PCDHGA12: variants seen among roughly 807,000 people sequenced by gnomAD.
The protein encoded by PCDHGA12 is protocadherin gamma-A12.
PCDHGA12 carries 43 observed loss-of-function variants against 61.1 expected under a neutral mutation model. The observed-to-expected ratio is 0.70, with a 90% CI of 0.55 to 0.91. PCDHGA12 has a LOEUF of 0.91. Ranked by LOEUF, PCDHGA12 falls within the 40% of genes least tolerant of loss-of-function variation. The pLI, the probability that PCDHGA12 is intolerant of heterozygous loss-of-function variation, is 0.00. For missense variants in PCDHGA12, 1,236 were observed against 1,227.7 expected (o/e 1.01, Z -0.10); for synonymous variants, 520 against 542.9 (o/e 0.96, Z 0.59).
At position 141,491,518 on chromosome 5, in the gene PCDHGA12, A is replaced by G. The variant is rs756813813; in HGVS notation, c.2425-3289A>G. 3 of 1,613,990 alleles carry G rather than the reference A, an allele frequency of 1.9e-6. No individual in the cohort carries two copies. The highest frequency in any genetic ancestry group is 3.3e-5 in the Admixed American group (2 of 60,028). ...GAGCTCGGACGGCACGCTCAAGTAC[A>G]TGGAGGTGACGCTGCGGCCCACAGA... On this transcript the variant is annotated intron_variant, in intron 1 of 3. Transcript: ENST00000252085. This position sits in a 1 kb window ranked among gnomAD's most constrained non-coding sequence, Gnocchi z 6.9.
chr5:141,473,362 C>A (rs2099320242), intron 1 of PCDHGA12, among the ~76,000 whole-genome samples: 1 of 152,166 alleles, frequency 6.6e-6, no homozygotes, highest in Admixed American at 6.5e-5. Context: ...AAGTGGCCAC[C>A]AAAATAGCAT....
chr5:141,496,981 T>A (rs928774783), intron 2 of PCDHGA12, among the ~76,000 whole-genome samples: 1 of 150,304 alleles, frequency 6.7e-6, no homozygotes, highest in African/African-American at 2.5e-5. Context: ...AGGTCAGGGG[T>A]TTGAGACCAG....
Position 141,477,691 on chromosome 5 carries a change from A to G in PCDHGA12, c.2425-17116A>G, listed in dbSNP as rs1315811441. 6.2e-7 allele frequency: 1 copy of G among 1,614,188 alleles called. No homozygotes were observed. Among genetic ancestry groups the G allele is most frequent in the South Asian group, 1.1e-5 (1 of 91,090 alleles). On this transcript the variant is annotated intron_variant, in intron 1 of 3. Coordinates refer to ENST00000252085, the MANE Select transcript of PCDHGA12 (RefSeq NM_003735.3). This position sits in a 1 kb window ranked among gnomAD's most constrained non-coding sequence, Gnocchi z 4.9. ...GCATAGTGTCATCCTTAGTGCCCCT[A>G]GACTATGAGGATCGGCGGGAATTTG...
chr5:141,473,367 T>C (rs1343477225), intron 1 of PCDHGA12, among the ~76,000 whole-genome samples: 1 of 152,178 alleles, frequency 6.6e-6, no homozygotes, highest in Non-Finnish European at 1.5e-5. Flanking sequence ...GCCACCAAAA[T>C]AGCATGGTCC....
chr5:141,489,166 C>A lies in PCDHGA12; in HGVS notation c.2425-5641C>A. The A allele has an allele frequency of 9.1e-7, 1 of 1,099,536 alleles. No individual in the cohort carries two copies. The highest frequency in any genetic ancestry group is 1.3e-6 in the Non-Finnish European group (1 of 761,554). The allele number at this position is 1,099,536 out of a possible 1,614,324, so 68.1% of individuals were successfully genotyped here. ...AAGGAGACATAAGAGACTTCAGCTGCTGCATTCCAAGCCCTGGGTCTACCT... is the reference window on the plus strand; with the variant it reads ...AAGGAGACATAAGAGACTTCAGCTGATGCATTCCAAGCCCTGGGTCTACCT... On this transcript the variant is annotated intron_variant, in intron 1 of 3. Transcript: ENST00000252085. This position sits in a 1 kb window ranked among gnomAD's most constrained non-coding sequence, Gnocchi z 4.5.
chr5:141,490,908 C>T lies in PCDHGA12; in HGVS notation c.2425-3899C>T, dbSNP rs201078924. On this transcript the variant is annotated intron_variant, in intron 1 of 3. Coordinates refer to ENST00000252085, the MANE Select transcript of PCDHGA12 (RefSeq NM_003735.3). This position sits in a 1 kb window ranked among gnomAD's most constrained non-coding sequence, Gnocchi z 5.4. The stretch of plus-strand genomic sequence containing the variant: ...CATCTCTGCATGTGTTTGTCCTAGA[C>T]GAGAATGATAATGCCCCAGCTGTGC... 42 of 1,613,710 alleles carry T rather than the reference C, an allele frequency of 2.6e-5. No homozygotes were observed. The highest frequency in any genetic ancestry group is 8.3e-5 in the Admixed American group (5 of 60,018).
intron 1 of PCDHGA12, chr5:141,478,167 G>A: frequency 6.2e-7 from 1 of 1,613,772 alleles, no homozygotes; most frequent in Non-Finnish European, 8.5e-7. Context: ...TCTGCCCCCC[G>A]GGAGCAGAAA....
intron 2 of PCDHGA12, 22 bp from the exon 3 acceptor site, chr5:141,505,371 C>G: frequency 1.2e-6 from 2 of 1,613,980 alleles, no homozygotes; most frequent in Non-Finnish European, 1.7e-6. Context: ...AGTCTGTGCT[C>G]ACCATCCTAC....
intron 1 of PCDHGA12, among the ~76,000 whole-genome samples, chr5:141,472,742 T>C (rs926507203): frequency 2.0e-5 from 3 of 151,762 alleles, no homozygotes; most frequent in Non-Finnish European, 4.4e-5. Flanking sequence ...TCCCAGCACT[T>C]TGGGAGGCGG....
At chr5:141,463,438 CTTTTTTTTTTTTTT>C (rs71576115) in intron 1 of PCDHGA12, among the ~76,000 whole-genome samples, 7 of 103,256 alleles carry the variant, frequency 6.8e-5, no homozygotes, top group Non-Finnish European at 9.4e-5. Flanking sequence ...TTTCCTTCTC[CTTTTTTTTTTTTTT>C]TTTTTTTTTT....
rs1488305057 is a variant in PCDHGA12, at chr5:141,477,736, C to A, written c.2425-17071C>A. ...AATTTGAATTAACAGCTCATATCAG[C>A]GATGGGGGCACCCCGGTCCTAGCCA... On this transcript the variant is annotated intron_variant, in intron 1 of 3. Transcript: ENST00000252085. This position sits in a 1 kb window ranked among gnomAD's most constrained non-coding sequence, Gnocchi z 4.9. The A allele has an allele frequency of 6.2e-7, 1 of 1,613,790 alleles. No homozygotes were observed. Among genetic ancestry groups the A allele is most frequent in the Non-Finnish European group, 8.5e-7 (1 of 1,180,024 alleles).
At chr5:141,495,499 C>T (rs918858395) in intron 2 of PCDHGA12, among the ~76,000 whole-genome samples, 13 of 152,162 alleles carry the variant, frequency 8.5e-5, no homozygotes, top group African/African-American at 2.9e-4. Context: ...CTTGAGTTTC[C>T]GTCTTTGCCA....
chr5:141,477,262 C>A lies in PCDHGA12; in HGVS notation c.2425-17545C>A, dbSNP rs60063068. 1.2e-5 allele frequency: 19 copies of A among 1,614,020 alleles called. No homozygotes were observed. The East Asian group carries it at 4.2e-4, about 36-fold the overall frequency. On this transcript the variant is annotated intron_variant, in intron 1 of 3. Transcript: ENST00000252085. This position sits in a 1 kb window ranked among gnomAD's most constrained non-coding sequence, Gnocchi z 4.9. ...TCAGTGTGACTGACCTGGATGCTGG[C>A]GAGAACGGGCTGGTGACCTGCGAAG...
Position 141,431,972 on chromosome 5 carries a change from G to T in PCDHGA12, c.1213G>T (p.Val405Phe), listed in dbSNP as rs750484866. The change falls in exon 1 of 4, where the codon GTC becomes TTC. Residue 405 changes from valine to phenylalanine, a missense_variant. By Grantham distance (50) the Val-to-Phe change is conservative (BLOSUM62 -1). Coordinates refer to ENST00000252085, the MANE Select transcript of PCDHGA12 (RefSeq NM_003735.3). The surrounding 1 kb of genome is among the most constrained non-coding windows in gnomAD (Gnocchi z 4.8). ...ATCTTACGGAAATTACTATAGTTTA[G>T]TCACAGACATAGTCTTGGATAGGGA... is the stretch of plus-strand genomic sequence containing the variant. Reference protein sequence around the residue: ...EKSYGNYYSLVTDIVLDREQV... With the variant: ...EKSYGNYYSLFTDIVLDREQV... The T allele has an allele frequency of 8.1e-6, 13 of 1,614,072 alleles. No homozygotes were observed. Among genetic ancestry groups the T allele is most frequent in the Non-Finnish European group, 1.1e-5 (13 of 1,180,028 alleles).
At chr5:141,478,821 A>G (rs72790063) in intron 1 of PCDHGA12, 38,524 of 1,444,166 alleles carry the variant, frequency 0.027, 650 homozygotes, top group East Asian at 0.045. Flanking sequence ...CAACTAACCA[A>G]TCTTGCTAAG....
In PCDHGA12 at chr5:141,482,773, C is replaced by A. The variant is rs2009076; in HGVS notation, c.2425-12034C>A. ...ATTATGGTATTTCATTATCACTGAA[C>A]CTTAAACTGTGTGTGTGGCCGGGTA... On this transcript the variant is annotated intron_variant, in intron 1 of 3. Coordinates refer to ENST00000252085, the MANE Select transcript of PCDHGA12 (RefSeq NM_003735.3). 9.1e-3 allele frequency among the ~76,000 whole-genome samples: 1,158 copies of A among 127,768 alleles called. 29 individuals carry two copies. Among genetic ancestry groups the A allele is most frequent in the Middle Eastern group, 0.013 (3 of 228 alleles). 83.8% of individuals were successfully genotyped at this position (127,768 alleles called of 152,430 possible). A position where few individuals can be genotyped will look rare whatever the true frequency, so the allele number is the denominator to read the frequency against.
At chr5:141,481,879 A>G (rs1204365605) in intron 1 of PCDHGA12, among the ~76,000 whole-genome samples, 1 of 144,890 alleles carries the variant, frequency 6.9e-6, no homozygotes, top group Non-Finnish European at 1.5e-5. Context: ...GCGCCACTGC[A>G]CTCCAGCCTG....
intron 1 of PCDHGA12, among the ~76,000 whole-genome samples, chr5:141,462,430 T>C (rs1471523013): frequency 2.0e-5 from 3 of 152,230 alleles, no homozygotes; most frequent in African/African-American, 4.8e-5. Flanking sequence ...TTGGTGAGTG[T>C]TGCTTACACA....
chr5:141,498,673 T>C (rs1158071657), intron 2 of PCDHGA12, among the ~76,000 whole-genome samples: 1 of 152,180 alleles, frequency 6.6e-6, no homozygotes, highest in Non-Finnish European at 1.5e-5. Flanking sequence ...GGCTCACGCC[T>C]GTAATCCCAG....
Sources: allele counts gnomAD v4.1 joint callset (sites outside exome capture counted in the v4.1 genomes callset), GRCh38; gene constraint gnomAD v4.1.1; non-coding constraint Gnocchi (gnomAD v3.1); transcripts MANE v1.5; gene names NCBI Gene and HGNC (gene_info 2026-07-23, HGNC 2026-07-21).